The following SEM1 variants were observed in gnomAD, a reference collection of about 807,000 sequenced individuals.
SEM1 encodes 26S proteasome complex subunit SEM1.
A neutral mutation model predicts 12.7 loss-of-function variants in SEM1; 3 were observed. The observed-to-expected ratio is 0.24, with a 90% confidence interval of 0.11 to 0.61. The LOEUF is 0.61. Among genes scored for constraint, SEM1 ranks in the 20% least tolerant of loss-of-function variants. The pLI, the probability that SEM1 is intolerant of heterozygous loss-of-function variation, is 0.88. For synonymous variants in SEM1, 30 were observed against 27.8 expected (o/e 1.08, Z -0.25); for missense variants, 59 against 81.3 (o/e 0.73, Z 1.06).
At chr7:96,532,716 G>T (rs1205950376) in intron 2 of SEM1, among the ~76,000 whole-genome samples, 1 of 152,110 alleles carries the variant, frequency 6.6e-6, no homozygotes, top group Non-Finnish European at 1.5e-5. Context: ...ACCCACTGAA[G>T]AGCTAAATGA....
chr7:96,671,094 G>C (rs756301536), downstream of SEM1, among the ~76,000 whole-genome samples: 2 of 152,204 alleles, frequency 1.3e-5, no homozygotes, highest in Admixed American at 6.5e-5. Context: ...TGCTGACTCA[G>C]TGAGAATAGC....
At chr7:96,602,550 G>A (rs1563079255) in intron 2 of SEM1, among the ~76,000 whole-genome samples, 1 of 152,112 alleles carries the variant, frequency 6.6e-6, no homozygotes, top group Non-Finnish European at 1.5e-5. Flanking sequence ...GCCAGTCCTG[G>A]TATATGCCCA....
Position 96,659,913 on chromosome 7 carries a change from C to CAA in SEM1, c.170+34883_170+34884dup, listed in dbSNP as rs71529826. 6.8e-3 allele frequency among the ~76,000 whole-genome samples: 455 copies of CAA among 66,666 alleles called. 8 individuals carry two copies. Among genetic ancestry groups the CAA allele is most frequent in the African/African-American group, 0.022 (365 of 16,908 alleles). 43.7% of individuals were successfully genotyped at this position (66,666 alleles called of 152,430 possible). A position where few individuals can be genotyped will look rare whatever the true frequency, so the allele number is the denominator to read the frequency against. On this transcript the variant is annotated intron_variant, in intron 2 of 2. Coordinates refer to the SEM1 transcript ENST00000417009. ...AAATAGAAGAAAGAAAGTAAGATGG[C>CAA]AAAAAAAAAAAAAAAAACAAAAACA...
At chr7:96,606,400 G>C (rs1482523109) in intron 2 of SEM1, among the ~76,000 whole-genome samples, 1 of 152,164 alleles carries the variant, frequency 6.6e-6, no homozygotes, top group African/African-American at 2.4e-5. Flanking sequence ...GTCTTATTCA[G>C]AGCAGCTGAG....
At chr7:96,645,884 TCTC>T (rs1443507036) in intron 2 of SEM1, 4 of 398,242 alleles carry the variant, frequency 1.0e-5, no homozygotes, top group Admixed American at 4.4e-5. Flanking sequence ...GTGGGCATCT[TCTC>T]AGTCTTGCAG....
At chr7:96,699,663 C>T (rs1790209978) in intron 1 of SEM1, among the ~76,000 whole-genome samples, 1 of 152,142 alleles carries the variant, frequency 6.6e-6, no homozygotes, top group Non-Finnish European at 1.5e-5. Context: ...TTTTGAAAGC[C>T]CTGTTCAAAG....
intron 2 of SEM1, chr7:96,622,679 T>C (rs2116289832): frequency 3.9e-6 from 3 of 760,324 alleles, no homozygotes; most frequent in Admixed American, 3.4e-5. Context: ...GGTTTTCTTT[T>C]TCAAACACCT....
intron 2 of SEM1, among the ~76,000 whole-genome samples, chr7:96,582,051 G>A (rs1363068405): frequency 2.5e-4 from 36 of 144,526 alleles, no homozygotes; most frequent in African/African-American, 8.6e-4. Flanking sequence ...TCTTGTGCCA[G>A]TTTTCAAAGG....
downstream of SEM1, chr7:96,622,472 A>G: frequency 1.7e-6 from 1 of 586,278 alleles, no homozygotes; most frequent in East Asian, 2.8e-5. Context: ...CAGTTTCTAA[A>G]TAGTAGTAGT....
At chr7:96,546,434 A>C (rs1805104689) in intron 2 of SEM1, among the ~76,000 whole-genome samples, 1 of 152,134 alleles carries the variant, frequency 6.6e-6, no homozygotes, top group African/African-American at 2.4e-5. Context: ...ACAATCTTTG[A>C]AAAATATTTA....
intron 1 of SEM1, among the ~76,000 whole-genome samples, chr7:96,701,414 G>A (rs979947977): frequency 3.3e-5 from 5 of 152,078 alleles, no homozygotes; most frequent in Non-Finnish European, 7.4e-5. Flanking sequence ...AGAGAACACA[G>A]CACAAAGGCA....
chr7:96,532,673 C>T (rs1277839158), intron 2 of SEM1, among the ~76,000 whole-genome samples: 1 of 152,096 alleles, frequency 6.6e-6, no homozygotes, highest in Non-Finnish European at 1.5e-5. Context: ...GATGCATCTG[C>T]TTTATGAGTT....
intron 2 of SEM1, among the ~76,000 whole-genome samples, chr7:96,567,918 A>G (rs1805895178): frequency 7.1e-6 from 1 of 140,612 alleles, no homozygotes; most frequent in Non-Finnish European, 1.5e-5. Flanking sequence ...ATACACACAC[A>G]TACACACACA....
chr7:96,591,244 C>G (rs1806819141), intron 2 of SEM1, among the ~76,000 whole-genome samples: 2 of 151,974 alleles, frequency 1.3e-5, no homozygotes, highest in African/African-American at 2.4e-5. Flanking sequence ...TTGATCATTT[C>G]TTTACACGAA....
intron 2 of SEM1, among the ~76,000 whole-genome samples, chr7:96,527,813 C>T (rs758732102): frequency 1.3e-5 from 2 of 152,142 alleles, no homozygotes; most frequent in Non-Finnish European, 2.9e-5. Context: ...GAGTGCCATT[C>T]TTAGAAAGCA....
At chr7:96,660,148 TATA>T (rs1366282206) in intron 2 of SEM1, among the ~76,000 whole-genome samples, 2 of 152,152 alleles carry the variant, frequency 1.3e-5, no homozygotes, top group African/African-American at 4.8e-5. Context: ...CTGAGATGGC[TATA>T]ATAACAGCAG....
In SEM1 at chr7:96,502,251, G is replaced by A. The variant is rs550664787; in HGVS notation, c.*60+4372C>T. ...TTAGTAGAGCCATAAATCAAATCCT[G>A]ATTCTGGGGCCTAGGCTCTATACCA... is the stretch of plus-strand genomic sequence containing the variant. On this transcript the variant is annotated intron_variant and NMD_transcript_variant, in intron 3 of 3. Coordinates refer to the SEM1 transcript ENST00000466986. 2.6e-5 allele frequency among the ~76,000 whole-genome samples: 4 copies of A among 152,236 alleles called. No individual in the cohort carries two copies. In the South Asian group the frequency reaches 6.2e-4, roughly 24 times the overall value.
intron 2 of SEM1, among the ~76,000 whole-genome samples, chr7:96,659,913 C>CTAA (rs1788934307): frequency 1.5e-5 from 1 of 66,724 alleles, no homozygotes; most frequent in Non-Finnish European, 3.0e-5. Context: ...AGTAAGATGG[C>CTAA]AAAAAAAAAA....
chr7:96,636,163 A>G (rs1808419213), intron 2 of SEM1, among the ~76,000 whole-genome samples: 1 of 152,062 alleles, frequency 6.6e-6, no homozygotes, highest in Admixed American at 6.6e-5. Flanking sequence ...TACCATCTGG[A>G]AAGGTGTGCA....
Sources: gnomAD v4.1 joint callset for allele counts (sites outside exome capture counted in the v4.1 genomes callset) on GRCh38, gnomAD v4.1.1 for gene constraint, MANE v1.5 for transcripts, NCBI Gene and HGNC (gene_info 2026-07-23, HGNC 2026-07-21) for gene names.